Variants in COL6A2 observed in about 807,000 individuals in gnomAD.
COL6A2 encodes collagen alpha-2(VI) chain.
Under a neutral mutation model 124.9 loss-of-function variants are expected in COL6A2, and 90 were observed. That is an observed-to-expected ratio of 0.72 (90% CI 0.61 to 0.86). The LOEUF (loss-of-function observed/expected upper bound fraction) is 0.86. Ranked by LOEUF, COL6A2 falls within the 40% of genes least tolerant of loss-of-function variation. COL6A2 has a pLI of 0.00. For synonymous variants in COL6A2, 793 were observed against 618.2 expected (o/e 1.28, Z -4.19); for missense variants, 1,607 against 1,502.5 (o/e 1.07, Z -1.15).
Position 46,118,672 on chromosome 21 carries a change from G to T in COL6A2, c.1175G>T (p.Ser392Ile). 1 of 1,610,158 alleles carries T rather than the reference G, an allele frequency of 6.2e-7. No homozygotes were observed. The highest frequency in any genetic ancestry group is 8.5e-7 in the Non-Finnish European group (1 of 1,179,110). ...CCGGGAGAAATCGGGGCCAAGGGAA[G>T]CAAGGTGAGCCCCTCTGCCTCTTCG... ...GPPGEIGAKGSKGYQGNSGAP... is the reference protein window; with the variant it reads ...GPPGEIGAKGIKGYQGNSGAP... Residue 392 changes from serine (S) to isoleucine (I), a missense_variant, in exon 13 of 28, where the codon AGC becomes ATC. Physicochemically the swap from Ser to Ile is moderately radical, Grantham distance 142 (BLOSUM62 -2). This residue lies in a region of COL6A2 where 1,223 missense variants were observed against 1,052.2 expected (regional missense o/e 1.16). Transcript: ENST00000300527.
rs2078397960 is a variant in COL6A2, at chr21:46,111,527, C to G, written c.51C>G (p.Ala17=). ...SVLLLWGILG[A]IQAQQQEVIS... The stretch of plus-strand genomic sequence containing the variant: ...TCCTGCTCTGGGGAATCCTGGGGGC[C>G]ATCCAGGCCCAGCAGCAGGAGGTCA... Residue 17 remains alanine, a synonymous_variant, in exon 2 of 28, where the codon GCC becomes GCG. Transcript: ENST00000300527. The G allele has an allele frequency of 1.2e-6, 2 of 1,612,908 alleles. No homozygotes were observed. The highest frequency in any genetic ancestry group is 1.7e-6 in the Non-Finnish European group (2 of 1,179,950).
chr21:46,117,425 C>T lies in COL6A2; in HGVS notation c.1025C>T (p.Pro342Leu), dbSNP rs868079918. ...QKGKLGRIGPPGCKGDPGNRG... is the reference protein window; with the variant it reads ...QKGKLGRIGPLGCKGDPGNRG... ...GGCAAGCTGGGGCGCATCGGACCTC[C>T]TGGCTGCAAGGGAGACCCTGGAAAC... The change falls in exon 11 of 28, where the codon CCT (proline) becomes CTT (leucine). Residue 342 changes from proline (P) to leucine (L), a missense_variant. Transcript: ENST00000300527. The T allele has an allele frequency of 1.9e-6, 3 of 1,612,828 alleles. No homozygotes were observed. The highest frequency in any genetic ancestry group is 2.5e-6 in the Non-Finnish European group (3 of 1,179,910).
intron 11 of COL6A2, 55 bp from the exon 12 acceptor site, chr21:46,117,819 A>G (rs1364416396): frequency 1.9e-6 from 3 of 1,559,810 alleles, no homozygotes; most frequent in Admixed American, 3.7e-5. Context: ...GCCCTGGCTC[A>G]TGGGGAGAAC....
chr21:46,128,986 C>T lies in COL6A2; in HGVS notation c.2461+2445C>T. On this transcript the variant is annotated intron_variant, in intron 27 of 27. Coordinates refer to ENST00000300527, the MANE Select transcript of COL6A2 (RefSeq NM_001849.4). ...AGGTGCCACCGTGCGGGTCTCCTAG[C>T]TCCCTGCCAGCTTCCTGTCCCTGTG... is the stretch of plus-strand genomic sequence containing the variant. 5 of 1,607,716 alleles carry T rather than the reference C, an allele frequency of 3.1e-6. No individual in the cohort carries two copies. In the South Asian group the frequency reaches 5.5e-5, roughly 18 times the overall value.
At position 46,119,802 on chromosome 21, in the gene COL6A2, C is replaced by T. The variant is rs753615575; in HGVS notation, c.1284C>T (p.Asp428=). ...GTTCTCTGCAGGGGCGCAGGGGAGA[C>T]CCCGGCACCAAGGGCAGCCCAGGCA... ...GPKGEPGRRG[D]PGTKGSPGSD... Residue 428 remains aspartate, a synonymous_variant, in exon 15 of 28, where the codon GAC becomes GAT. Coordinates refer to ENST00000300527, the MANE Select transcript of COL6A2 (RefSeq NM_001849.4). The T allele has an allele frequency of 1.3e-6, 2 of 1,563,650 alleles. No homozygotes were observed. The highest frequency in any genetic ancestry group is 2.4e-5 in the South Asian group (2 of 85,088).
At chr21:46,127,115 CCCCATGGTGCACTGCTGCA>C (rs2078683101) in intron 27 of COL6A2, among the ~76,000 whole-genome samples, 1 of 152,138 alleles carries the variant, frequency 6.6e-6, no homozygotes, top group South Asian at 2.1e-4. Flanking sequence ...GTGGTGCTGC[CCCCATGGTGCACTGCTGCA>C]CCGTACCTGG....
chr21:46,119,794 A>C lies in COL6A2; in HGVS notation c.1276A>C (p.Arg426=). The C allele has an allele frequency of 6.4e-7, 1 of 1,561,846 alleles. No individual in the cohort carries two copies. Among genetic ancestry groups the C allele is most frequent in the Non-Finnish European group, 8.7e-7 (1 of 1,152,662 alleles). ...PRGPKGEPGR[R]GDPGTKGSPG... The stretch of plus-strand genomic sequence containing the variant: ...ACACGCCTGTTCTCTGCAGGGGCGC[A>C]GGGGAGACCCCGGCACCAAGGGCAG... Residue 426 remains arginine, a synonymous_variant, in exon 15 of 28, where the codon AGG becomes CGG. Transcript: ENST00000300527.
intron 5 of COL6A2, among the ~76,000 whole-genome samples, chr21:46,114,725 T>C (rs527843094): frequency 1.1e-4 from 17 of 152,338 alleles, no homozygotes; most frequent in South Asian, 2.1e-4. Context: ...CTGGTTTGAA[T>C]GTCCCCTGCA....
rs753168760 is a variant in COL6A2, at chr21:46,112,136, G to A, written c.273G>A (p.Ala91=). 2.2e-5 allele frequency: 36 copies of A among 1,613,044 alleles called. 1 individual carries two copies. The highest frequency in any genetic ancestry group is 3.3e-4 in the Middle Eastern group (2 of 6,084). Residue 91 remains alanine (A), a synonymous_variant, in exon 3 of 28, where the codon GCG becomes GCA. Transcript: ENST00000300527. Reference sequence around the variant, plus strand: ...ACGAGTTCTACCTGGACCAGGTGGCGCTGAGCTGGCGCTACGGCGGCCTGC... The same window carrying A: ...ACGAGTTCTACCTGGACCAGGTGGCACTGAGCTGGCGCTACGGCGGCCTGC... ...LQNEFYLDQV[A]LSWRYGGLHF...
In COL6A2 at chr21:46,132,208, G is replaced by A. The variant is rs142442045; in HGVS notation, c.2716G>A (p.Glu906Lys). 4 of 1,588,540 alleles carry A rather than the reference G, an allele frequency of 2.5e-6. No homozygotes were observed. The highest frequency in any genetic ancestry group is 1.3e-5 in the African/African-American group (1 of 74,334). ...HNLTAIHEALETTQYLNSFSH... is the reference protein window; with the variant it reads ...HNLTAIHEALKTTQYLNSFSH... Reference sequence around the variant, plus strand: ...CCTCACGGCCATCCACGAGGCGCTGGAGACCACACAATACCTGAACTCCTT... The same window carrying A: ...CCTCACGGCCATCCACGAGGCGCTGAAGACCACACAATACCTGAACTCCTT... The change falls in exon 28 of 28, where the codon GAG (glutamate) becomes AAG (lysine). Residue 906 changes from glutamate (E) to lysine (K), a missense_variant. Around this residue, in one of 3 missense-constraint regions of COL6A2, gnomAD observed 1,223 missense variants for 1,052.2 expected, o/e 1.16. Transcript: ENST00000300527.
rs1341918745 is a variant in COL6A2 at position 46,116,265 on chromosome 21, A to G, written c.901-112A>G. ...CCTCCGCAGACTGTTTGTCGAGAAC[A>G]CTAGATGCCAGCGGCCCACCGAGCA... On this transcript the variant is annotated intron_variant, in intron 7 of 27. Transcript: ENST00000300527. The surrounding 1 kb of genome is among the most constrained non-coding windows in gnomAD (Gnocchi z 4.6). 5 of 1,319,254 alleles carry G rather than the reference A, an allele frequency of 3.8e-6. No individual in the cohort carries two copies. The East Asian group carries it at 1.2e-4, about 32-fold the overall frequency. 81.7% of individuals were successfully genotyped at this position (1,319,254 alleles called of 1,614,324 possible). A position where few individuals can be genotyped will look rare whatever the true frequency, so the allele number is the denominator to read the frequency against.
intron 1 of COL6A2, among the ~76,000 whole-genome samples, chr21:46,105,301 A>G (rs2078325098): frequency 6.6e-6 from 1 of 152,122 alleles, no homozygotes; most frequent in Admixed American, 6.5e-5. Flanking sequence ...TGGGAGAATC[A>G]TTTGGGCCTG....
At position 46,112,622 on chromosome 21, in the gene COL6A2, C is replaced by T. The variant is rs2070957; in HGVS notation, c.714+45C>T. ...ACCGTCCACGCGCCAGGGGTGGCCA[C>T]GGTGGGCCGTCCACCCACTCCGGGC... is the stretch of plus-strand genomic sequence containing the variant. On this transcript the variant is annotated intron_variant, in intron 3 of 27. Coordinates refer to ENST00000300527, the MANE Select transcript of COL6A2 (RefSeq NM_001849.4). The T allele has an allele frequency of 0.057, 90,746 of 1,601,862 alleles. 6,158 individuals are homozygous for T. The highest frequency in any genetic ancestry group is 0.36 in the East Asian group (15,999 of 44,710).
At chr21:46,120,679 G>GGT in intron 16 of COL6A2, 102 bp downstream of exon 16, 1 of 1,172,658 alleles carries the variant, frequency 8.5e-7, no homozygotes, top group Non-Finnish European at 1.2e-6. Flanking sequence ...CCCAAGGTAG[G>GGT]GGACCCGGGT....
chr21:46,121,668 C>T, intron 18 of COL6A2, 50 bp downstream of exon 18: 1 of 1,592,348 alleles, frequency 6.3e-7, no homozygotes, highest in Middle Eastern at 1.7e-4. Context: ...GGGCAGCTGC[C>T]TGAGGAGCAG....
chr21:46,125,269 T>C lies in COL6A2; in HGVS notation c.1774T>C (p.Cys592Arg). 6.2e-7 allele frequency: 1 copy of C among 1,611,828 alleles called. No individual in the cohort carries two copies. Among genetic ancestry groups the C allele is most frequent in the Non-Finnish European group, 8.5e-7 (1 of 1,179,478 alleles). Residue 592 changes from cysteine (C) to arginine (R), a missense_variant, in exon 24 of 28, where the codon TGT becomes CGT. This residue lies in a region of COL6A2 where 1,223 missense variants were observed against 1,052.2 expected (regional missense o/e 1.16). Coordinates refer to ENST00000300527, the MANE Select transcript of COL6A2 (RefSeq NM_001849.4). ...GPPGDPGLTE[C>R]DVMTYVRETC... is the part of the protein sequence containing the mutation. ...CTGCCTGCCGTGTGCATTGCAGGAG[T>C]GTGACGTCATGACCTACGTGAGGGA...
chr21:46,129,610 T>C (rs2078732284), intron 27 of COL6A2: 2 of 1,433,576 alleles, frequency 1.4e-6, no homozygotes, highest in African/African-American at 1.4e-5. Context: ...TCAGCGGGGC[T>C]ACAGTCCTTC....
chr21:46,129,364 C>G (rs2078725597), intron 27 of COL6A2: 4 of 1,612,986 alleles, frequency 2.5e-6, no homozygotes, highest in Non-Finnish European at 3.4e-6. Flanking sequence ...CTGGTCTACA[C>G]CGCCGAGCGG....
rs557865000 is a variant in COL6A2 at position 46,126,069 on chromosome 21, G to T, written c.2254G>T (p.Val752Phe). The T allele has an allele frequency of 9.3e-6, 15 of 1,612,858 alleles. No individual in the cohort carries two copies. Among genetic ancestry groups the T allele is most frequent in the African/African-American group, 1.3e-5 (1 of 74,946 alleles). The change falls in exon 26 of 28, where the codon GTC becomes TTC. Residue 752 changes from valine (V) to phenylalanine (F), a missense_variant. Transcript: ENST00000300527. Reference protein sequence around the residue: ...LNLRALCDRDVTVTAIGIGDM... With the variant: ...LNLRALCDRDFTVTAIGIGDM... ...CTTGCGGGCGCTGTGCGACCGCGAC[G>T]TCACAGTGACGGCCATCGGCATCGG...
Sources: allele counts gnomAD v4.1 joint callset (sites outside exome capture counted in the v4.1 genomes callset), GRCh38; gene constraint gnomAD v4.1.1; regional missense constraint gnomAD v4.1.1; non-coding constraint Gnocchi (gnomAD v3.1); transcripts MANE v1.5; gene names NCBI Gene and HGNC (gene_info 2026-07-23, HGNC 2026-07-21).